PPHLN1: variants seen among roughly 807,000 people sequenced by gnomAD.
The protein encoded by PPHLN1 is periphilin-1.
Under a neutral mutation model 51.3 loss-of-function variants are expected in PPHLN1, and 29 were observed. The observed-to-expected ratio is 0.57, with a 90% CI of 0.42 to 0.77. PPHLN1 has a LOEUF of 0.77. PPHLN1 is among the 30% of genes least tolerant of loss of function. The probability of loss-of-function intolerance (pLI) is 0.00; values close to 1 mark genes in which losing one functional copy is unlikely to be tolerated. For synonymous variants in PPHLN1, 147 were observed against 147.8 expected (o/e 0.99, Z 0.04); for missense variants, 436 against 438.4 (o/e 0.99, Z 0.05).
chr12:42,351,389 T>G (rs1219049431), intron 2 of PPHLN1: 1 of 152,176 alleles, frequency 6.6e-6, no homozygotes, highest in African/African-American at 2.4e-5. Flanking sequence ...GCCAATCTCC[T>G]CCCTCCATTA....
intron 5 of PPHLN1, among the ~76,000 whole-genome samples, chr12:42,379,649 A>G (rs1227005406): frequency 1.3e-5 from 2 of 152,066 alleles, no homozygotes; most frequent in Non-Finnish European, 2.9e-5. Context: ...ATATAATACC[A>G]TTAAACAAAA....
At chr12:42,444,821 G>A (rs2083210443), downstream of PPHLN1, 1 of 528,624 alleles carries the variant, frequency 1.9e-6, no homozygotes, top group Non-Finnish European at 3.3e-6. Flanking sequence ...TTCCTACAAA[G>A]GTAGTTTCCT....
chr12:42,332,339 T>C (rs2069880043), intron 1 of PPHLN1, among the ~76,000 whole-genome samples: 1 of 152,212 alleles, frequency 6.6e-6, no homozygotes. Flanking sequence ...AAGTCATTGT[T>C]TACAATAACA....
At chr12:42,430,334 A>G (rs1288481831) in intron 9 of PPHLN1, among the ~76,000 whole-genome samples, 1 of 150,814 alleles carries the variant, frequency 6.6e-6, no homozygotes, top group Non-Finnish European at 1.5e-5. Context: ...GGGATTTGTG[A>G]TGCTGTCCCC....
At chr12:42,359,986 T>TA (rs1015402942) in intron 4 of PPHLN1, among the ~76,000 whole-genome samples, 3 of 151,824 alleles carry the variant, frequency 2.0e-5, no homozygotes, top group Non-Finnish European at 4.4e-5. Context: ...CAAACACCTG[T>TA]AGTCCCAGCT....
At chr12:42,335,732 A>C (rs1018771940) in intron 1 of PPHLN1, 151 bp from the exon 2 acceptor site, 19 of 364,804 alleles carry the variant, frequency 5.2e-5, no homozygotes, top group African/African-American at 4.0e-4. Context: ...ATTGTTTGGA[A>C]GAAACATTCT....
At chr12:42,338,146 C>T (rs1008068864) in intron 2 of PPHLN1, among the ~76,000 whole-genome samples, 5 of 152,160 alleles carry the variant, frequency 3.3e-5, no homozygotes, top group Non-Finnish European at 4.4e-5. Flanking sequence ...AGGCTGGTCT[C>T]GAACTCCTGG....
intron 9 of PPHLN1, among the ~76,000 whole-genome samples, chr12:42,417,618 A>G (rs980958451): frequency 6.6e-6 from 1 of 152,134 alleles, no homozygotes; most frequent in Non-Finnish European, 1.5e-5. Context: ...GGCAAACCGG[A>G]TTATTTATCC....
intron 5 of PPHLN1, among the ~76,000 whole-genome samples, chr12:42,379,855 C>A (rs1164704353): frequency 1.3e-5 from 2 of 151,988 alleles, no homozygotes; most frequent in Non-Finnish European, 2.9e-5. Flanking sequence ...ATTAAGTATG[C>A]TGGATGTGTT....
intron 1 of PPHLN1, among the ~76,000 whole-genome samples, chr12:42,335,554 G>A (rs3810792): frequency 0.16 from 24,727 of 151,992 alleles, 2,065 homozygotes; most frequent in Admixed American, 0.2. Context: ...AATCGTTTCT[G>A]TTTTTTGCTG....
chr12:42,440,632 G>A lies in PPHLN1; in HGVS notation c.910-683G>A, dbSNP rs546500587. 2.8e-3 allele frequency among the ~76,000 whole-genome samples: 429 copies of A among 152,350 alleles called. 1 individual carries two copies. Among genetic ancestry groups the A allele is most frequent in the Non-Finnish European group, 4.5e-3 (308 of 68,034 alleles). On this transcript the variant is annotated intron_variant, in intron 9 of 9. Coordinates refer to ENST00000358314, the MANE Select transcript of PPHLN1 (RefSeq NM_201439.2). ...CAAATCAGAATGTCTGCAGGGCTGC[G>A]TTTACTTTGGAGGCTCTAGGGAGAA...
intron 7 of PPHLN1, among the ~76,000 whole-genome samples, chr12:42,391,674 TTTC>T (rs1293966458): frequency 1.3e-5 from 2 of 152,160 alleles, no homozygotes; most frequent in Non-Finnish European, 2.9e-5. Flanking sequence ...GTATATGTGT[TTTC>T]TTCTTCTAAC....
intron 4 of PPHLN1, among the ~76,000 whole-genome samples, chr12:42,367,468 C>T (rs553177594): frequency 1.5e-4 from 23 of 151,594 alleles, no homozygotes; most frequent in African/African-American, 5.1e-4. Flanking sequence ...ACTAAGCAAC[C>T]TTATGTCTTA....
chr12:42,394,075 G>T (rs1430328311), intron 8 of PPHLN1, among the ~76,000 whole-genome samples: 1 of 151,984 alleles, frequency 6.6e-6, no homozygotes, highest in African/African-American at 2.4e-5. Flanking sequence ...TATTTATATT[G>T]CTTGTTATAC....
At chr12:42,370,689 A>T (rs1214542417) in intron 4 of PPHLN1, among the ~76,000 whole-genome samples, 1 of 151,986 alleles carries the variant, frequency 6.6e-6, no homozygotes, top group Non-Finnish European at 1.5e-5. Context: ...ATTCCTTCCC[A>T]TCTTCCCTCC....
At chr12:42,389,516 C>T (rs534297717) in intron 7 of PPHLN1, among the ~76,000 whole-genome samples, 26 of 152,202 alleles carry the variant, frequency 1.7e-4, no homozygotes, top group East Asian at 1.9e-4. Flanking sequence ...GCTGAGATCA[C>T]GCCACTGCAC....
At chr12:42,406,958 A>ATCATATGTTT (rs2079369373) in intron 9 of PPHLN1, among the ~76,000 whole-genome samples, 1 of 152,192 alleles carries the variant, frequency 6.6e-6, no homozygotes, top group Non-Finnish European at 1.5e-5. Flanking sequence ...TGTTGGAAAG[A>ATCATATGTTT]TCATATGTTT....
At chr12:42,437,465 T>C (rs2082579106) in intron 9 of PPHLN1, among the ~76,000 whole-genome samples, 1 of 152,228 alleles carries the variant, frequency 6.6e-6, no homozygotes, top group Admixed American at 6.5e-5. Context: ...GGCACAAAAG[T>C]TAAGAAACCT....
intron 8 of PPHLN1, among the ~76,000 whole-genome samples, chr12:42,394,020 G>C (rs923868912): frequency 1.3e-5 from 2 of 152,056 alleles, no homozygotes; most frequent in Non-Finnish European, 2.9e-5. Context: ...TTATAAACCA[G>C]TGAATTCAGA....
Sources: allele counts gnomAD v4.1 joint callset (sites outside exome capture counted in the v4.1 genomes callset), GRCh38; gene constraint gnomAD v4.1.1; transcripts MANE v1.5; gene names NCBI Gene and HGNC (gene_info 2026-07-23, HGNC 2026-07-21).